ITPR1: variants seen among roughly 807,000 people sequenced by gnomAD.
ITPR1 encodes the protein inositol 1,4,5-trisphosphate-gated calcium channel ITPR1.
In ITPR1, 96 loss-of-function variants were observed where a neutral mutation model predicts 318.4. That is an observed-to-expected ratio of 0.30 (90% CI 0.26 to 0.36). The LOEUF is 0.36. Among genes scored for constraint, ITPR1 ranks in the 10% least tolerant of loss-of-function variants. The pLI, the probability that ITPR1 is intolerant of heterozygous loss-of-function variation, is 1.00. For missense variants in ITPR1, 2,440 were observed against 3,460.2 expected, an observed-to-expected ratio of 0.71 and a Z score of 7.40; for synonymous variants, 1,312 against 1,289.9, an observed-to-expected ratio of 1.02 and a Z score of -0.37.
At chr3:4,571,464 G>A (rs567662372) in intron 4 of ITPR1, among the ~76,000 whole-genome samples, 15 of 151,894 alleles carry the variant, frequency 9.9e-5, no homozygotes, top group Admixed American at 3.9e-4. Context: ...TCAGTCTCCC[G>A]AGTAGCTGGG....
intron 4 of ITPR1, among the ~76,000 whole-genome samples, chr3:4,544,025 A>G (rs946462786): frequency 4.0e-5 from 6 of 151,620 alleles, no homozygotes; most frequent in African/African-American, 1.2e-4. Context: ...CAACACAGTG[A>G]GCTCTCCTTT....
chr3:4,751,753 A>G (rs1439668397), intron 44 of ITPR1, among the ~76,000 whole-genome samples: 4 of 152,198 alleles, frequency 2.6e-5, no homozygotes, highest in African/African-American at 9.7e-5. Flanking sequence ...TCCCTTTGGA[A>G]ATCTTCCAGC....
Position 4,653,890 on chromosome 3 carries a change from A to AGTAT in ITPR1, c.996+6_996+9dup, listed in dbSNP as rs2093649167. On this transcript the variant is annotated splice_donor_region_variant and intron_variant, in intron 12 of 61. Transcript: ENST00000649015. ...ATGCCTGGAGTTTCAGCCCTCAGTA[A>AGTAT]GTATGGACAAGAGCCTTCTTGTCTT... The AGTAT allele has an allele frequency of 6.2e-7, 1 of 1,604,544 alleles. No homozygotes were observed. The highest frequency in any genetic ancestry group is 2.2e-5 in the East Asian group (1 of 44,790).
intron 44 of ITPR1, 151 bp downstream of exon 44, chr3:4,735,505 C>T (rs1324128383): frequency 1.6e-6 from 1 of 632,626 alleles, no homozygotes; most frequent in Non-Finnish European, 2.8e-6. Context: ...ATGAGTTCTG[C>T]TAGTATCCTG....
At chr3:4,662,534 C>A (rs2093857193) in intron 15 of ITPR1, among the ~76,000 whole-genome samples, 1 of 152,090 alleles carries the variant, frequency 6.6e-6, no homozygotes, top group African/African-American at 2.4e-5. Context: ...ACCAGCCTGC[C>A]TAACATGGTG....
At chr3:4,778,308 G>A (rs1026401339) in intron 48 of ITPR1, among the ~76,000 whole-genome samples, 23 of 152,186 alleles carry the variant, frequency 1.5e-4, no homozygotes, top group African/African-American at 5.3e-4. Context: ...CTGTTCCCAT[G>A]TCAGGGCATG....
chr3:4,696,840 C>G (rs983308931), intron 33 of ITPR1, among the ~76,000 whole-genome samples: 1 of 152,004 alleles, frequency 6.6e-6, no homozygotes, highest in Non-Finnish European at 1.5e-5. Context: ...GCCCATTTAC[C>G]TCTTGAATGG....
Position 4,826,910 on chromosome 3 carries a change from C to T in ITPR1, c.8028+8668C>T, listed in dbSNP as rs898053998. On this transcript the variant is annotated intron_variant, in intron 60 of 61. Transcript: ENST00000649015. The surrounding 1 kb of genome is among the most constrained non-coding windows in gnomAD (Gnocchi z 4.2). ...TTGTGTGCTAAGGGAGAGCATGGGG[C>T]GTGAGTCAGGTATACCCAGGAGTCT... Among the ~76,000 whole-genome samples the T allele has an allele frequency of 4.6e-5, 7 of 152,062 alleles. No individual in the cohort carries two copies. Among genetic ancestry groups the T allele is most frequent in the African/African-American group, 1.4e-4 (6 of 41,392 alleles).
chr3:4,713,363 C>A (rs1216822177), intron 39 of ITPR1, among the ~76,000 whole-genome samples: 1 of 152,234 alleles, frequency 6.6e-6, no homozygotes, highest in Non-Finnish European at 1.5e-5. Context: ...CTTTCCATAA[C>A]CGAGGTATTT....
intron 11 of ITPR1, 28 bp downstream of exon 11, chr3:4,652,246 T>C: frequency 6.4e-7 from 1 of 1,552,802 alleles, no homozygotes; most frequent in East Asian, 2.3e-5. Context: ...TGGTTTTCTC[T>C]TTCAAGGCTG....
In ITPR1 at chr3:4,524,256, A is replaced by G. The variant is rs573888839; in HGVS notation, c.163+3162A>G. ...GGAACTTGGGCAGTGAGTTTTAAAA[A>G]ATTTTCCAAAGCATTCCTTCAACTG... On this transcript the variant is annotated intron_variant, in intron 4 of 61. Coordinates refer to ENST00000649015, the MANE Select transcript of ITPR1 (RefSeq NM_001378452.1). Among the ~76,000 whole-genome samples the G allele has an allele frequency of 5.4e-5, 8 of 147,180 alleles. No individual in the cohort carries two copies. The South Asian group carries it at 1.7e-3, about 32-fold the overall frequency.
At chr3:4,530,130 G>T (rs1163110322) in intron 4 of ITPR1, among the ~76,000 whole-genome samples, 2 of 152,150 alleles carry the variant, frequency 1.3e-5, no homozygotes, top group Non-Finnish European at 2.9e-5. Context: ...TGACACAGAA[G>T]AAAAAGTCTA....
chr3:4,580,622 C>T (rs2089230543), intron 4 of ITPR1, among the ~76,000 whole-genome samples: 1 of 151,076 alleles, frequency 6.6e-6, no homozygotes, highest in Non-Finnish European at 1.5e-5. Flanking sequence ...AGGATGTGGC[C>T]TTTGCCTTGC....
intron 53 of ITPR1, 75 bp from the exon 54 acceptor site, chr3:4,800,350 G>A (rs2048148923): frequency 6.8e-7 from 1 of 1,460,962 alleles, no homozygotes; most frequent in South Asian, 1.2e-5. Flanking sequence ...ATCTGTAACA[G>A]TGCATGTTTT....
chr3:4,713,868 A>C (rs956483641), intron 39 of ITPR1, among the ~76,000 whole-genome samples: 2 of 152,194 alleles, frequency 1.3e-5, no homozygotes, highest in African/African-American at 4.8e-5. Context: ...GAATGTGAAC[A>C]AACTATAGGC....
rs559185954 is a variant in ITPR1 at position 4,622,417 on chromosome 3, A to ACTTT, written c.164-5329_164-5326dup. On this transcript the variant is annotated intron_variant, in intron 4 of 61. Transcript: ENST00000649015. ...CATAAGCCACTGCGGCCAGCCTTTG[A>ACTTT]CTTTCTTTCTTTCTTTCTTTATTTT... is the stretch of plus-strand genomic sequence containing the variant. Among the ~76,000 whole-genome samples the ACTTT allele has an allele frequency of 9.6e-3, 1,433 of 148,832 alleles. 14 individuals are homozygous for ACTTT. Among genetic ancestry groups the ACTTT allele is most frequent in the Middle Eastern group, 0.018 (5 of 280 alleles).
chr3:4,790,762 A>T (rs2047504926), intron 52 of ITPR1, among the ~76,000 whole-genome samples: 1 of 152,228 alleles, frequency 6.6e-6, no homozygotes, highest in East Asian at 1.9e-4. Context: ...GATCCGTCTG[A>T]GACTGATGGG....
intron 46 of ITPR1, among the ~76,000 whole-genome samples, chr3:4,770,989 G>C (rs1294894852): frequency 6.6e-6 from 1 of 152,144 alleles, no homozygotes; most frequent in African/African-American, 2.4e-5. Context: ...GGCTGGGAGT[G>C]GGGGAATCCT....
intron 5 of ITPR1, among the ~76,000 whole-genome samples, chr3:4,635,722 A>T (rs919336354): frequency 6.6e-6 from 1 of 152,194 alleles, no homozygotes; most frequent in South Asian, 2.1e-4. Flanking sequence ...ACCAGATCTC[A>T]TTCTTTCTGA....
Sources: allele counts gnomAD v4.1 joint callset (sites outside exome capture counted in the v4.1 genomes callset), GRCh38; gene constraint gnomAD v4.1.1; non-coding constraint Gnocchi (gnomAD v3.1); transcripts MANE v1.5; gene names NCBI Gene and HGNC (gene_info 2026-07-23, HGNC 2026-07-21).